The following SYT14 variants were observed in gnomAD, a reference collection of about 807,000 sequenced individuals.
SYT14 encodes synaptotagmin-14.
A neutral mutation model predicts 74.2 loss-of-function variants in SYT14; 32 were observed. The observed-to-expected ratio is 0.43, with a 90% CI of 0.33 to 0.58. The LOEUF (loss-of-function observed/expected upper bound fraction) is 0.58. Among genes scored for constraint, SYT14 ranks in the 20% least tolerant of loss-of-function variants. The pLI is 0.05. For missense variants in SYT14, 791 were observed against 981.8 expected (o/e 0.81, Z 2.60); for synonymous variants, 298 against 337.7 (o/e 0.88, Z 1.29).
In SYT14 at chr1:209,950,415, G is replaced by T. The variant is rs533272395; in HGVS notation, c.-533-2294G>T. Among the ~76,000 whole-genome samples, 3 of 152,272 alleles carry T rather than the reference G, an allele frequency of 2.0e-5. No individual in the cohort carries two copies. In the South Asian group the frequency reaches 6.2e-4, roughly 32 times the overall value. On this transcript the variant is annotated intron_variant, in intron 1 of 9. Transcript: ENST00000637265. ...GGACTAGTATCTCCTCAATTGGAAA[G>T]AACTGTAGTATGTAGGTGTATTTCA...
chr1:209,970,666 T>TA (rs1305022277), intron 2 of SYT14, among the ~76,000 whole-genome samples: 99 of 20,444 alleles, frequency 4.8e-3, no homozygotes, highest in African/African-American at 0.03. Flanking sequence ...GTATGGCTTT[T>TA]TTTTTTTTTT....
chr1:210,003,888 T>A (rs1371473210), intron 2 of SYT14, among the ~76,000 whole-genome samples: 3 of 152,146 alleles, frequency 2.0e-5, no homozygotes, highest in African/African-American at 7.2e-5. Context: ...ACAAATGATT[T>A]ATTTTTTTAA....
At chr1:210,032,679 A>AAATGTTACACT (rs2080567413) in intron 5 of SYT14, among the ~76,000 whole-genome samples, 1 of 151,100 alleles carries the variant, frequency 6.6e-6, no homozygotes, top group African/African-American at 2.4e-5. Context: ...CATCATTGAG[A>AAATGTTACACT]AGTAGAGTGT....
chr1:209,964,248 C>T (rs1558096109), intron 2 of SYT14, among the ~76,000 whole-genome samples: 1 of 152,148 alleles, frequency 6.6e-6, no homozygotes, highest in African/African-American at 2.4e-5. Flanking sequence ...TAAGATGTGC[C>T]TGCTTCCCCT....
intron 7 of SYT14, among the ~76,000 whole-genome samples, chr1:210,145,898 G>A (rs566206371): frequency 1.3e-4 from 20 of 152,134 alleles, no homozygotes; most frequent in Admixed American, 4.6e-4. Context: ...AATCTCTAAA[G>A]GCAGTTTATC....
At chr1:210,010,358 G>A (rs1248511442) in intron 2 of SYT14, among the ~76,000 whole-genome samples, 5 of 152,030 alleles carry the variant, frequency 3.3e-5, no homozygotes, top group Non-Finnish European at 7.4e-5. Context: ...CAGCTATGTG[G>A]TGCTGTCCTA....
chr1:209,998,745 G>A (rs1436441687), intron 2 of SYT14, among the ~76,000 whole-genome samples: 1 of 152,068 alleles, frequency 6.6e-6, no homozygotes, highest in East Asian at 1.9e-4. Context: ...ATATTCATAT[G>A]CAGAAAAATG....
Position 210,104,930 on chromosome 1 carries a change from A to G in SYT14, c.2034+4469A>G, listed in dbSNP as rs1227903398. ...GGTTTTTGGTGAGTTGCCTTTTAGG[A>G]AAACTGATATTTGACAAAGCTGTGA... On this transcript the variant is annotated intron_variant, in intron 7 of 9. Transcript: ENST00000637265. Among the ~76,000 whole-genome samples, 4 of 152,094 alleles carry G rather than the reference A, an allele frequency of 2.6e-5. 1 individual carries two copies. Among genetic ancestry groups the G allele is most frequent in the African/African-American group, 9.7e-5 (4 of 41,406 alleles).
intron 1 of SYT14, among the ~76,000 whole-genome samples, chr1:209,939,954 C>T (rs544646910): frequency 6.6e-6 from 1 of 152,320 alleles, no homozygotes; most frequent in East Asian, 1.9e-4. Context: ...ACTCTGCCTA[C>T]TGCTTAACAT....
intron 7 of SYT14, among the ~76,000 whole-genome samples, chr1:210,112,906 G>T (rs2082291246): frequency 6.6e-6 from 1 of 151,426 alleles, no homozygotes. Flanking sequence ...AGTTCAGCTT[G>T]CTGAGAGGTG....
chr1:210,016,344 A>G (rs2080182115), exon 4 of SYT14: 5 of 1,232,048 alleles, frequency 4.1e-6, no homozygotes, highest in Middle Eastern at 6.2e-4. Context: ...CAAGGAATAC[A>G]TGAAGAAAGA....
At chr1:209,999,487 G>A (rs1026611609) in intron 2 of SYT14, among the ~76,000 whole-genome samples, 16 of 152,086 alleles carry the variant, frequency 1.1e-4, no homozygotes, top group African/African-American at 3.6e-4. Context: ...CAATAGCAGA[G>A]ATATGAAATC....
chr1:210,111,271 C>G (rs756501556), intron 7 of SYT14, among the ~76,000 whole-genome samples: 1 of 151,878 alleles, frequency 6.6e-6, no homozygotes, highest in African/African-American at 2.4e-5. Context: ...GGGTTGTTCT[C>G]TGGTGGGCAG....
At chr1:209,983,083 A>G (rs1188132683) in intron 2 of SYT14, among the ~76,000 whole-genome samples, 1 of 151,322 alleles carries the variant, frequency 6.6e-6, no homozygotes, top group African/African-American at 2.4e-5. Flanking sequence ...TTCTTTATAT[A>G]TTTTTGAAAC....
At chr1:210,116,338 TTTTTGTTTTG>T (rs1209637100) in intron 7 of SYT14, among the ~76,000 whole-genome samples, 1 of 152,124 alleles carries the variant, frequency 6.6e-6, no homozygotes, top group Non-Finnish European at 1.5e-5. Flanking sequence ...ACTTGTTTTG[TTTTTGTTTTG>T]TTTTGTTTTG....
intron 7 of SYT14, among the ~76,000 whole-genome samples, chr1:210,144,443 G>A (rs187553285): frequency 7.2e-5 from 11 of 151,998 alleles, no homozygotes; most frequent in Admixed American, 3.9e-4. Flanking sequence ...CTAAAGTCAC[G>A]GTCCTGTAAC....
chr1:210,024,454 T>C (rs2080367435), intron 5 of SYT14, among the ~76,000 whole-genome samples: 1 of 152,194 alleles, frequency 6.6e-6, no homozygotes, highest in Admixed American at 6.5e-5. Context: ...GCATCAGAGA[T>C]GACTGATTTC....
intron 1 of SYT14, among the ~76,000 whole-genome samples, chr1:209,945,395 G>A (rs1455036302): frequency 6.6e-6 from 1 of 152,102 alleles, no homozygotes; most frequent in Non-Finnish European, 1.5e-5. Flanking sequence ...TCCTTGAATG[G>A]TCTAATTAGG....
chr1:210,056,538 G>T (rs1277676999), intron 5 of SYT14, among the ~76,000 whole-genome samples: 1 of 151,232 alleles, frequency 6.6e-6, no homozygotes. Flanking sequence ...TTTTGGGGCC[G>T]GGCACAGTGG....
Sources: gnomAD v4.1 joint callset for allele counts (sites outside exome capture counted in the v4.1 genomes callset) on GRCh38, gnomAD v4.1.1 for gene constraint, MANE v1.5 for transcripts, NCBI Gene and HGNC (gene_info 2026-07-23, HGNC 2026-07-21) for gene names.